Variants in GREB1 observed in about 807,000 individuals in gnomAD.
GREB1 encodes the protein growth regulating estrogen receptor binding 1.
GREB1 carries 106 observed loss-of-function variants against 200.7 expected under a neutral mutation model. That is an observed-to-expected ratio of 0.53 (90% CI 0.45 to 0.62). The LOEUF is 0.62. Among genes scored for constraint, GREB1 ranks in the 20% least tolerant of loss-of-function variants. The probability of loss-of-function intolerance (pLI) is 0.00; values close to 1 mark genes in which losing one functional copy is unlikely to be tolerated. For synonymous variants in GREB1, 1,132 were observed against 1,092.4 expected (o/e 1.04, Z -0.72); for missense variants, 2,243 against 2,556.8 (o/e 0.88, Z 2.65).
chr2:11,636,796 AGGGG>A (rs1228125676), intron 30 of GREB1, among the ~76,000 whole-genome samples: 146 of 85,830 alleles, frequency 1.7e-3, no homozygotes, highest in African/African-American at 4.7e-3. Flanking sequence ...GGGCATGGGC[AGGGG>A]CAGAGGCAGG....
At chr2:11,554,701 A>G (rs932761778) in intron 1 of GREB1, among the ~76,000 whole-genome samples, 3 of 152,242 alleles carry the variant, frequency 2.0e-5, no homozygotes, top group African/African-American at 7.2e-5. Flanking sequence ...GACAAGAGAC[A>G]TACAAGGATA....
intron 5 of GREB1, among the ~76,000 whole-genome samples, chr2:11,577,182 T>G (rs924214355): frequency 3.3e-5 from 5 of 152,148 alleles, no homozygotes; most frequent in Non-Finnish European, 7.3e-5. Context: ...CATGGGTGAC[T>G]TTTGTCCCCT....
At chr2:11,590,650 C>T (rs1680637796) in intron 10 of GREB1, among the ~76,000 whole-genome samples, 2 of 152,168 alleles carry the variant, frequency 1.3e-5, no homozygotes, top group Non-Finnish European at 2.9e-5. Context: ...TATCTTTAGG[C>T]ACCAGGAATT....
chr2:11,565,532 G>C (rs1677541594), intron 3 of GREB1, among the ~76,000 whole-genome samples: 1 of 152,196 alleles, frequency 6.6e-6, no homozygotes, highest in South Asian at 2.1e-4. Flanking sequence ...GATGGGGCTG[G>C]GTGTGCCCTT....
At chr2:11,552,815 T>A (rs1315861404) in intron 1 of GREB1, among the ~76,000 whole-genome samples, 4 of 151,790 alleles carry the variant, frequency 2.6e-5, no homozygotes, top group African/African-American at 9.7e-5. Flanking sequence ...ATCGAGACCA[T>A]CCTGGCTAAC....
At chr2:11,627,214 C>A in intron 25 of GREB1, 110 bp downstream of exon 25, 2 of 965,640 alleles carry the variant, frequency 2.1e-6, no homozygotes, top group Non-Finnish European at 1.5e-6. Flanking sequence ...TCTGGAAGCC[C>A]TGGCTTCCTG....
Position 11,611,036 on chromosome 2 carries a change from T to A in GREB1, c.3006+9T>A. 6.4e-7 allele frequency: 1 copy of A among 1,563,528 alleles called. No homozygotes were observed. The highest frequency in any genetic ancestry group is 8.7e-7 in the Non-Finnish European group (1 of 1,153,490). ...TCGTAAAGCAGCTCAGGGTAGGTGC[T>A]GTGCGCAGGGAGGGGCGGAGGGCCT... On this transcript the variant is annotated intron_variant, in intron 18 of 32. Coordinates refer to ENST00000381486, the MANE Select transcript of GREB1 (RefSeq NM_014668.4).
At chr2:11,554,156 G>T (rs183645316) in intron 1 of GREB1, among the ~76,000 whole-genome samples, 1 of 152,254 alleles carries the variant, frequency 6.6e-6, no homozygotes, top group East Asian at 1.9e-4. Context: ...CTGCTCTCCT[G>T]TTAGGTTACT....
At chr2:11,490,078 A>T (rs1344677892) in intron 1 of GREB1, among the ~76,000 whole-genome samples, 1 of 151,710 alleles carries the variant, frequency 6.6e-6, no homozygotes, top group Non-Finnish European at 1.5e-5. Flanking sequence ...GTGCTACAAA[A>T]GTTACCTTTT....
intron 10 of GREB1, chr2:11,592,236 A>G: frequency 9.6e-6 from 2 of 208,978 alleles, no homozygotes; most frequent in Non-Finnish European, 1.4e-5. Flanking sequence ...ATAATTCTGG[A>G]TTGATACTTA....
Position 11,595,249 on chromosome 2 carries a change from A to G in GREB1, c.1697-2A>G, listed in dbSNP as rs2148200801. ...GTACTGTGAAATCTGTTTGCTTTCCAGGAAAATACCAAGCCCGGATTCTTT... is the reference window on the plus strand; with the variant it reads ...GTACTGTGAAATCTGTTTGCTTTCCGGGAAAATACCAAGCCCGGATTCTTT... On this transcript the variant is annotated splice_acceptor_variant, in intron 11 of 32. Transcript: ENST00000381486. LOFTEE classifies it high-confidence loss of function. 1 of 1,611,702 alleles carries G rather than the reference A, an allele frequency of 6.2e-7. No homozygotes were observed. The highest frequency in any genetic ancestry group is 8.5e-7 in the Non-Finnish European group (1 of 1,178,610).
intron 11 of GREB1, among the ~76,000 whole-genome samples, chr2:11,594,884 C>T (rs552314033): frequency 1.3e-4 from 19 of 151,934 alleles, no homozygotes; most frequent in Admixed American, 5.9e-4. Flanking sequence ...TTAGTAGAGA[C>T]GGGGTTTCAC....
intron 2 of GREB1, among the ~76,000 whole-genome samples, chr2:11,558,192 G>A (rs1676625829): frequency 6.6e-6 from 1 of 152,234 alleles, no homozygotes; most frequent in South Asian, 2.1e-4. Context: ...CTTTGGCCAA[G>A]CTCTGAGATA....
Position 11,629,956 on chromosome 2 carries a change from G to A in GREB1, c.4458G>A (p.Glu1486=). 6.2e-7 allele frequency: 1 copy of A among 1,614,080 alleles called. No individual in the cohort carries two copies. The highest frequency in any genetic ancestry group is 8.5e-7 in the Non-Finnish European group (1 of 1,179,964). The change falls in exon 26 of 33, where the codon GAG becomes GAA. Residue 1486 remains glutamate, a synonymous_variant. Coordinates refer to ENST00000381486, the MANE Select transcript of GREB1 (RefSeq NM_014668.4). This position sits in a 1 kb window ranked among gnomAD's most constrained non-coding sequence, Gnocchi z 5.2. The stretch of plus-strand genomic sequence containing the variant: ...TTTCCCCCACACCCCAGCTGTATGA[G>A]TCCACCCTGCACGCCTTTGCCTTCT... ...MGFHPRYQLY[E]STLHAFAFSY... is the part of the protein sequence containing the mutation.
chr2:11,569,614 C>A (rs1277801570), intron 4 of GREB1, among the ~76,000 whole-genome samples: 2 of 152,168 alleles, frequency 1.3e-5, no homozygotes, highest in Non-Finnish European at 2.9e-5. Context: ...TTATCGTGTG[C>A]CAGAAACTGC....
chr2:11,535,762 A>G (rs1324991807), intron 1 of GREB1, among the ~76,000 whole-genome samples: 1 of 152,140 alleles, frequency 6.6e-6, no homozygotes, highest in Non-Finnish European at 1.5e-5. Context: ...GAGTATAGAA[A>G]AAGGTTGCAT....
rs1038429036 is a variant in GREB1 at position 11,640,674 on chromosome 2, C to G, written c.*220C>G. The G allele has an allele frequency of 3.6e-5, 20 of 558,512 alleles. No homozygotes were observed. The highest frequency in any genetic ancestry group is 6.2e-6 in the Non-Finnish European group (2 of 320,356). 34.6% of individuals were successfully genotyped at this position (558,512 alleles called of 1,614,324 possible). The stretch of plus-strand genomic sequence containing the variant: ...AATGAAAACTTGAGACTCCCAAGTT[C>G]TGGGCCAGCCCATTGCTCTGGGCTG... On this transcript the variant is annotated 3_prime_UTR_variant, in exon 33 of 33. Transcript: ENST00000381486. The surrounding 1 kb of genome is among the most constrained non-coding windows in gnomAD (Gnocchi z 4.6).
intron 1 of GREB1, chr2:11,540,823 A>G (rs1674678964): frequency 2.0e-5 from 3 of 152,858 alleles, no homozygotes; most frequent in Non-Finnish European, 2.9e-5. Flanking sequence ...TTGCCGTGTC[A>G]TATATTGGGG....
At chr2:11,546,943 CTTT>C (rs386354826) in intron 1 of GREB1, among the ~76,000 whole-genome samples, 203 of 123,446 alleles carry the variant, frequency 1.6e-3, no homozygotes, top group East Asian at 2.2e-3. Flanking sequence ...CTAGTTTAAA[CTTT>C]TTTTTTTTTT....
Sources: allele counts gnomAD v4.1 joint callset (sites outside exome capture counted in the v4.1 genomes callset), GRCh38; gene constraint gnomAD v4.1.1; non-coding constraint Gnocchi (gnomAD v3.1); transcripts MANE v1.5; gene names NCBI Gene and HGNC (gene_info 2026-07-23, HGNC 2026-07-21).